Variants in SUMF1 observed in about 807,000 individuals in gnomAD.
SUMF1 encodes the protein formylglycine-generating enzyme.
SUMF1 carries 48 observed loss-of-function variants against 47.6 expected under a neutral mutation model. The observed-to-expected ratio is 1.01, with a 90% confidence interval of 0.80 to 1.28. SUMF1 has a LOEUF of 1.28. Ranked by LOEUF, SUMF1 falls within the 50% of genes most tolerant of loss-of-function variation. The pLI is 0.00. For synonymous variants in SUMF1, 230 were observed against 192.1 expected (o/e 1.20, Z -1.63); for missense variants, 571 against 485.4 (o/e 1.18, Z -1.66).
At chr3:4,262,321 C>T (rs978871995) in intron 8 of SUMF1, among the ~76,000 whole-genome samples, 2 of 152,150 alleles carry the variant, frequency 1.3e-5, no homozygotes, top group African/African-American at 4.8e-5. Context: ...TAAATTCCAT[C>T]TTCAACATTA....
chr3:4,056,258 A>T (rs1362138754), intron 9 of SUMF1, among the ~76,000 whole-genome samples: 1 of 152,206 alleles, frequency 6.6e-6, no homozygotes, highest in African/African-American at 2.4e-5. Flanking sequence ...ACATGTCCCA[A>T]GCCATTACAC....
At chr3:4,109,716 T>C (rs1366190947) in intron 8 of SUMF1, among the ~76,000 whole-genome samples, 2 of 152,156 alleles carry the variant, frequency 1.3e-5, no homozygotes, top group East Asian at 1.9e-4. Flanking sequence ...GTTGATCGCA[T>C]CGGCTCCTGA....
chr3:4,328,459 T>C (rs1388309978), intron 8 of SUMF1, among the ~76,000 whole-genome samples: 1 of 152,064 alleles, frequency 6.6e-6, no homozygotes, highest in African/African-American at 2.4e-5. Context: ...GGCCTCACAA[T>C]CATGGCTGAA....
chr3:4,465,286 C>A (rs569001143), intron 1 of SUMF1, among the ~76,000 whole-genome samples: 1 of 152,208 alleles, frequency 6.6e-6, no homozygotes, highest in Admixed American at 6.5e-5. Context: ...ACCATCCGGG[C>A]CAACATGGTG....
At chr3:4,287,536 T>G (rs1028560539) in intron 8 of SUMF1, among the ~76,000 whole-genome samples, 1 of 152,174 alleles carries the variant, frequency 6.6e-6, no homozygotes, top group Non-Finnish European at 1.5e-5. Flanking sequence ...ACATTGATTT[T>G]CACTGGTATT....
At chr3:4,153,329 A>G (rs1463516346) in intron 8 of SUMF1, among the ~76,000 whole-genome samples, 2 of 151,230 alleles carry the variant, frequency 1.3e-5, no homozygotes, top group Non-Finnish European at 2.9e-5. Flanking sequence ...TGCCACTTTA[A>G]CCTCTCAAGT....
At chr3:4,217,686 A>G (rs1156289513) in intron 8 of SUMF1, among the ~76,000 whole-genome samples, 3 of 145,492 alleles carry the variant, frequency 2.1e-5, no homozygotes, top group African/African-American at 7.6e-5. Context: ...CAGCATGTGT[A>G]GGTTTTATTT....
At chr3:4,203,039 T>G (rs539659526) in intron 8 of SUMF1, among the ~76,000 whole-genome samples, 2 of 151,820 alleles carry the variant, frequency 1.3e-5, no homozygotes, top group African/African-American at 4.8e-5. Context: ...AGGAGAAAAA[T>G]GTACTGAGAA....
chr3:4,141,701 C>T (rs1333567012), intron 8 of SUMF1, among the ~76,000 whole-genome samples: 1 of 151,582 alleles, frequency 6.6e-6, no homozygotes, highest in South Asian at 2.1e-4. Context: ...AAACAAAAAA[C>T]ATAGCTATTG....
intron 8 of SUMF1, among the ~76,000 whole-genome samples, chr3:4,234,612 T>C (rs1045646465): frequency 1.3e-5 from 2 of 152,116 alleles, no homozygotes; most frequent in Admixed American, 6.6e-5. Flanking sequence ...TACAGCATGA[T>C]ATATGCTCCA....
intron 8 of SUMF1, among the ~76,000 whole-genome samples, chr3:4,163,389 AGGGAGGG>A (rs1694626425): frequency 2.7e-4 from 2 of 7,506 alleles, no homozygotes; most frequent in African/African-American, 8.1e-4. Flanking sequence ...GAAGGGAGGG[AGGGAGGG>A]AGGGAGGGAG....
intron 8 of SUMF1, among the ~76,000 whole-genome samples, chr3:4,175,836 G>A (rs150651269): frequency 3.8e-4 from 58 of 152,246 alleles, no homozygotes; most frequent in African/African-American, 1.3e-3. Flanking sequence ...GTGTAGAGAA[G>A]ACCTTAAATG....
intron 8 of SUMF1, among the ~76,000 whole-genome samples, chr3:4,113,591 C>A (rs1211552936): frequency 6.6e-6 from 1 of 151,972 alleles, no homozygotes; most frequent in Non-Finnish European, 1.5e-5. Flanking sequence ...TCACCCTACT[C>A]TGCTATCAAA....
At chr3:4,213,855 G>C (rs1412293104) in intron 8 of SUMF1, among the ~76,000 whole-genome samples, 2 of 152,134 alleles carry the variant, frequency 1.3e-5, no homozygotes, top group Admixed American at 6.5e-5. Flanking sequence ...AGCAAGAACA[G>C]CTAACTACCC....
intron 8 of SUMF1, among the ~76,000 whole-genome samples, chr3:4,115,919 A>C (rs113268139): frequency 1.2e-3 from 181 of 152,258 alleles, no homozygotes; most frequent in Non-Finnish European, 2.0e-3. Flanking sequence ...CTATCAGTGA[A>C]AACAGTTCTG....
chr3:4,151,505 GTATATGTATACGTATATA>G (rs1694331112), intron 8 of SUMF1, among the ~76,000 whole-genome samples: 1 of 141,626 alleles, frequency 7.1e-6, no homozygotes, highest in Non-Finnish European at 1.5e-5. Flanking sequence ...GTATATATGT[GTATATGTATACGTATATA>G]TGTATATATG....
chr3:4,180,201 C>G (rs909865196), intron 8 of SUMF1, among the ~76,000 whole-genome samples: 1 of 152,250 alleles, frequency 6.6e-6, no homozygotes, highest in East Asian at 1.9e-4. Context: ...TGGGTACATA[C>G]CCAAAGGATT....
chr3:4,230,483 A>G (rs1054253343), intron 8 of SUMF1, among the ~76,000 whole-genome samples: 3 of 152,114 alleles, frequency 2.0e-5, no homozygotes, highest in Non-Finnish European at 4.4e-5. Flanking sequence ...TATAAAGGAT[A>G]CAACTCAGGA....
chr3:4,324,424 A>G (rs771150064), intron 8 of SUMF1, among the ~76,000 whole-genome samples: 6 of 152,182 alleles, frequency 3.9e-5, no homozygotes, highest in African/African-American at 1.4e-4. Flanking sequence ...AGCATCTGTG[A>G]CCTATGAGTT....
Sources: gnomAD v4.1 joint callset for allele counts (sites outside exome capture counted in the v4.1 genomes callset) on GRCh38, gnomAD v4.1.1 for gene constraint, MANE v1.5 for transcripts, NCBI Gene and HGNC (gene_info 2026-07-23, HGNC 2026-07-21) for gene names.